The following KHK variants were observed in gnomAD, a reference collection of about 807,000 sequenced individuals.
KHK encodes the protein ketohexokinase, also known as fructokinase.
A neutral mutation model predicts 36.0 loss-of-function variants in KHK; 37 were observed. That is an observed-to-expected ratio of 1.03 (90% CI 0.79 to 1.35). KHK has a LOEUF of 1.35. Ranked by LOEUF, KHK falls within the 40% of genes most tolerant of loss-of-function variation. KHK has a pLI of 0.00. For synonymous variants in KHK, 161 were observed against 162.8 expected (o/e 0.99, Z 0.08); for missense variants, 395 against 391.9 (o/e 1.01, Z -0.07).
Position 27,099,823 on chromosome 2 carries a change from C to G in KHK, c.*73C>G. On this transcript the variant is annotated 3_prime_UTR_variant, in exon 8 of 8. Coordinates refer to ENST00000260598, the MANE Select transcript of KHK (RefSeq NM_006488.3). ...GCATCGCCTTCTCCCCTCCATCCAG[C>G]CTGGCGTCCAGGTTGCCCTGTTCAG... 5.7e-6 allele frequency: 9 copies of G among 1,571,326 alleles called. No homozygotes were observed. Among genetic ancestry groups the G allele is most frequent in the Non-Finnish European group, 7.8e-6 (9 of 1,158,572 alleles).
At position 27,097,501 on chromosome 2, in the gene KHK, A is replaced by T; in HGVS notation, c.418-2A>T. 6.2e-7 allele frequency: 1 copy of T among 1,613,478 alleles called. No individual in the cohort carries two copies. Among genetic ancestry groups the T allele is most frequent in the Non-Finnish European group, 8.5e-7 (1 of 1,180,022 alleles). On this transcript the variant is annotated splice_acceptor_variant, in intron 4 of 7. Transcript: ENST00000260598. LOFTEE classifies it high-confidence loss of function. ...GTCCTGAGCTGCCCTGTCCTGTACC[A>T]GGGCCGGAACGCATCGGAGCAGGTG...
intron 2 of KHK, chr2:27,094,497 G>A (rs775197292): frequency 1.3e-5 from 21 of 1,613,770 alleles, no homozygotes; most frequent in South Asian, 2.2e-5. Context: ...GATGACCTCC[G>A]CCGCTATTCT....
intron 1 of KHK, among the ~76,000 whole-genome samples, chr2:27,087,720 C>CCCAA (rs1193411952): frequency 2.0e-5 from 3 of 152,324 alleles, no homozygotes; most frequent in South Asian, 4.1e-4. Flanking sequence ...CTTTTTAAAC[C>CCCAA]CCAAGCCTAT....
At chr2:27,088,606 GC>G (rs1669807405) in intron 1 of KHK, among the ~76,000 whole-genome samples, 1 of 151,900 alleles carries the variant, frequency 6.6e-6, no homozygotes. Context: ...TAGAGACAGG[GC>G]TTTTCTTTGT....
chr2:27,087,444 GC>G, intron 1 of KHK, 93 bp downstream of exon 1: 1 of 999,742 alleles, frequency 1.0e-6, no homozygotes, highest in Non-Finnish European at 1.5e-6. Flanking sequence ...CCGCAGTGAG[GC>G]CCTGAGAACC....
At chr2:27,096,374 G>A (rs1670346339) in intron 3 of KHK, among the ~76,000 whole-genome samples, 5 of 152,172 alleles carry the variant, frequency 3.3e-5, no homozygotes, top group Admixed American at 3.3e-4. Context: ...CCAGGGCTCT[G>A]CCTGTGGGAG....
intron 1 of KHK, among the ~76,000 whole-genome samples, chr2:27,088,831 A>G (rs1669819700): frequency 6.6e-6 from 1 of 152,164 alleles, no homozygotes; most frequent in African/African-American, 2.4e-5. Flanking sequence ...GCAGTCAGTG[A>G]GTGCTTAGAA....
At position 27,094,862 on chromosome 2, in the gene KHK, A is replaced by C. The variant is rs1222562148; in HGVS notation, c.272A>C (p.Lys91Thr). The part of the protein sequence containing the change: ...VDVSQVAWQS[K>T]GDTPSSCCII... The stretch of plus-strand genomic sequence containing the variant: ...GTGTCTCAGGTGGCCTGGCAGAGCA[A>C]GGGGGACACCCCCAGCTCCTGCTGC... Residue 91 changes from lysine to threonine, a missense_variant, in exon 3 of 8, where the codon AAG becomes ACG. By Grantham distance (78) the Lys-to-Thr change is moderately conservative. Coordinates refer to ENST00000260598, the MANE Select transcript of KHK (RefSeq NM_006488.3). The C allele has an allele frequency of 6.2e-7, 1 of 1,613,898 alleles. No individual in the cohort carries two copies. Among genetic ancestry groups the C allele is most frequent in the South Asian group, 1.1e-5 (1 of 91,092 alleles).
intron 1 of KHK, among the ~76,000 whole-genome samples, chr2:27,088,971 G>A (rs1020579966): frequency 1.3e-5 from 2 of 152,136 alleles, no homozygotes; most frequent in Non-Finnish European, 2.9e-5. Flanking sequence ...GAGAGACCCC[G>A]ACACTCCTCA....
At position 27,100,343 on chromosome 2, in the gene KHK, G is replaced by C; in HGVS notation, c.*593G>C. The C allele has an allele frequency of 2.0e-6, 2 of 987,738 alleles. No individual in the cohort carries two copies. Among genetic ancestry groups the C allele is most frequent in the Non-Finnish European group, 2.8e-6 (2 of 716,540 alleles). The allele number at this position is 987,738 out of a possible 1,614,324, so 61.2% of individuals were successfully genotyped here. ...TGCCCACCAGCCTGTGATTTGATGG[G>C]GTCTTCATTGTCCAGAAATACCTCC... On this transcript the variant is annotated 3_prime_UTR_variant, in exon 8 of 8. Transcript: ENST00000260598.
At chr2:27,099,346 T>C in intron 6 of KHK, 62 bp downstream of exon 6, 1 of 1,610,394 alleles carries the variant, frequency 6.2e-7, no homozygotes, top group Non-Finnish European at 8.5e-7. Context: ...ACTCCAGGAG[T>C]CCGCCCTGGA....
At chr2:27,099,103 G>A (rs1224565381) in intron 5 of KHK, 93 bp from the exon 6 acceptor site, 1 of 1,046,114 alleles carries the variant, frequency 9.6e-7, no homozygotes, top group African/African-American at 1.6e-5. Flanking sequence ...TGGACATGTT[G>A]GGGGAGTCGT....
intron 3 of KHK, among the ~76,000 whole-genome samples, chr2:27,096,130 T>C (rs1297017017): frequency 1.3e-5 from 2 of 152,188 alleles, no homozygotes; most frequent in African/African-American, 2.4e-5. Context: ...AGCGGGGACT[T>C]TGGCTGAGTT....
rs1452857250 is a variant in KHK at position 27,087,279 on chromosome 2, T to C, written c.20T>C (p.Leu7Pro). 1.3e-6 allele frequency: 2 copies of C among 1,597,582 alleles called. No homozygotes were observed. Among genetic ancestry groups the C allele is most frequent in the Non-Finnish European group, 1.7e-6 (2 of 1,171,692 alleles). The part of the protein sequence containing the change: MEEKQI[L>P]CVGLVVLDVI... The stretch of plus-strand genomic sequence containing the variant: ...AGCCTCATGGAAGAGAAGCAGATCC[T>C]GTGCGTGGGGCTAGTGGTGCTGGAC... The change falls in exon 1 of 8, where the codon CTG (leucine) becomes CCG (proline). Residue 7 changes from leucine to proline, a missense_variant. Coordinates refer to ENST00000260598, the MANE Select transcript of KHK (RefSeq NM_006488.3).
At chr2:27,090,102 TC>T (rs1669899848) in intron 1 of KHK, among the ~76,000 whole-genome samples, 1 of 152,252 alleles carries the variant, frequency 6.6e-6, no homozygotes, top group African/African-American at 2.4e-5. Context: ...TCCGCCTGCC[TC>T]AGCCTCCCAA....
intron 5 of KHK, among the ~76,000 whole-genome samples, chr2:27,098,500 G>A (rs1411602510): frequency 1.3e-5 from 2 of 151,496 alleles, no homozygotes; most frequent in African/African-American, 2.4e-5. Flanking sequence ...AAAATTCCTG[G>A]CATGGTGGTG....
In KHK at chr2:27,100,760, G is replaced by A; in HGVS notation, c.*1010G>A. 4 of 1,132,556 alleles carry A rather than the reference G, an allele frequency of 3.5e-6. No individual in the cohort carries two copies. The highest frequency in any genetic ancestry group is 3.3e-6 in the Non-Finnish European group (3 of 909,882). 70.2% of individuals were successfully genotyped at this position (1,132,556 alleles called of 1,614,324 possible). Reference sequence around the variant, plus strand: ...AAATGCCCAGCATGATGCCTGATGTGTACAAGGCTCTCAAAAAGTTCTAGT... The same window carrying A: ...AAATGCCCAGCATGATGCCTGATGTATACAAGGCTCTCAAAAAGTTCTAGT... On this transcript the variant is annotated 3_prime_UTR_variant, in exon 8 of 8. Coordinates refer to ENST00000260598, the MANE Select transcript of KHK (RefSeq NM_006488.3).
rs575849096 is a variant in KHK, at chr2:27,098,835, GAACA to G, written c.565-357_565-354del. 2.2e-3 allele frequency: 581 copies of G among 261,598 alleles called. 4 individuals carry two copies. The highest frequency in any genetic ancestry group is 2.1e-3 in the Non-Finnish European group (277 of 130,228). 16.2% of individuals were successfully genotyped at this position (261,598 alleles called of 1,614,324 possible). On this transcript the variant is annotated intron_variant, in intron 5 of 7. Coordinates refer to ENST00000260598, the MANE Select transcript of KHK (RefSeq NM_006488.3). Reference sequence around the variant, plus strand: ...GTGGGTTTTCAATCCATTGATCAGAGAACAAACGGACCAGGCCTTTTGTTTTACA... The same window carrying G: ...GTGGGTTTTCAATCCATTGATCAGAGAACGGACCAGGCCTTTTGTTTTACA...
intron 1 of KHK, among the ~76,000 whole-genome samples, chr2:27,092,045 T>C (rs1670040721): frequency 6.6e-6 from 1 of 152,180 alleles, no homozygotes; most frequent in Admixed American, 6.5e-5. Context: ...GTCTCTCGAA[T>C]AGTGATGGAC....
Sources: allele counts gnomAD v4.1 joint callset (sites outside exome capture counted in the v4.1 genomes callset), GRCh38; gene constraint gnomAD v4.1.1; transcripts MANE v1.5; gene names NCBI Gene and HGNC (gene_info 2026-07-23, HGNC 2026-07-21).